The following ZSCAN23 variants were observed in gnomAD, a reference collection of about 807,000 sequenced individuals.
ZSCAN23 encodes zinc finger and SCAN domain-containing protein 23.
A neutral mutation model predicts 19.3 loss-of-function variants in ZSCAN23; 19 were observed. The ratio of observed to expected loss-of-function variants is 0.99; its 90% CI spans 0.69 to 1.45. ZSCAN23 has a LOEUF of 1.45. ZSCAN23 is among the 40% of genes most tolerant of loss of function. The pLI is 0.00. For missense variants in ZSCAN23, 372 were observed against 462.5 expected (o/e 0.80, Z 1.79); for synonymous variants, 140 against 166.2 (o/e 0.84, Z 1.21).
the ZSCAN23 span, among the ~76,000 whole-genome samples, chr6:28,426,622 C>T: frequency 6.6e-6 from 1 of 152,196 alleles, no homozygotes; most frequent in African/African-American, 2.4e-5. Flanking sequence ...GACACAGAAA[C>T]ACGAAGTGTG....
Position 28,434,468 on chromosome 6 carries a change from G to GC in ZSCAN23, c.1166dup (p.Ser389ArgfsTer8). The GC allele has an allele frequency of 6.5e-7, 1 of 1,539,604 alleles. No homozygotes were observed. Among genetic ancestry groups the GC allele is most frequent in the Non-Finnish European group, 8.8e-7 (1 of 1,139,872 alleles). On this transcript the variant is annotated frameshift_variant, in exon 4 of 4. Coordinates refer to ENST00000289788, the MANE Select transcript of ZSCAN23 (RefSeq NM_001012455.2). LOFTEE classifies it high-confidence loss of function. ...ATCCCCTACCTGTTCCAAGGAGCTA[G>GC]CTTGATTCAGCCACTGGGTGGACTT...
Position 28,434,636 on chromosome 6 carries a change from G to A in ZSCAN23, c.999C>T (p.Tyr333=). The A allele has an allele frequency of 6.4e-7, 1 of 1,561,754 alleles. No individual in the cohort carries two copies. Among genetic ancestry groups the A allele is most frequent in the Non-Finnish European group, 8.7e-7 (1 of 1,152,810 alleles). The part of the protein sequence containing the change: ...HLRIHTGEKP[Y]QCNQCNKSFS... ...AACTCTTATTGCACTGATTGCACTG[G>A]TAAGGCTTCTCCCCAGTGTGAATTC... The change falls in exon 4 of 4, where the codon TAC becomes TAT. Residue 333 remains tyrosine (Y), a synonymous_variant. Coordinates refer to ENST00000289788, the MANE Select transcript of ZSCAN23 (RefSeq NM_001012455.2).
At chr6:28,422,398 A>G in the ZSCAN23 span, among the ~76,000 whole-genome samples, 4 of 152,202 alleles carry the variant, frequency 2.6e-5, no homozygotes, top group African/African-American at 7.2e-5. This position sits in a 1 kb window ranked among gnomAD's most constrained non-coding sequence, Gnocchi z 4.0. Flanking sequence ...ACTTGAAAAG[A>G]TATCCATAAT....
intron 1 of ZSCAN23, among the ~76,000 whole-genome samples, chr6:28,442,898 G>A (rs186915024): frequency 6.6e-6 from 1 of 152,194 alleles, no homozygotes; most frequent in Non-Finnish European, 1.5e-5. Flanking sequence ...TATTTGTAAA[G>A]TGCTTAGAAC....
rs201915589 is a variant in ZSCAN23 at position 28,436,031 on chromosome 6, G to A, written c.236C>T (p.Pro79Leu). The A allele has an allele frequency of 6.2e-7, 1 of 1,614,190 alleles. No homozygotes were observed. Among genetic ancestry groups the A allele is most frequent in the Non-Finnish European group, 8.5e-7 (1 of 1,180,016 alleles). The change falls in exon 2 of 4, where the codon CCA (proline) becomes CTA (leucine). Residue 79 changes from proline (P) to leucine (L), a missense_variant. Transcript: ENST00000289788. ...GATCTGCTCCTTGGTGTGCATCTCT[G>A]GTCTCAGCCACTGATGGCAGAGCTC... ...LQELCHQWLR[P>L]EMHTKEQILE...
downstream of ZSCAN23, among the ~76,000 whole-genome samples, chr6:28,431,680 A>G (rs373493334): frequency 7.7e-6 from 1 of 129,136 alleles, no homozygotes; most frequent in Admixed American, 7.7e-5. Flanking sequence ...TGGTTTATAG[A>G]CTGCTTTTCT....
chr6:28,434,954 TC>T lies in ZSCAN23; in HGVS notation c.680del (p.Gly227GlufsTer15). The T allele has an allele frequency of 2.6e-6, 4 of 1,551,914 alleles. No individual in the cohort carries two copies. Among genetic ancestry groups the T allele is most frequent in the Non-Finnish European group, 3.5e-6 (4 of 1,147,064 alleles). On this transcript the variant is annotated frameshift_variant, in exon 4 of 4. Coordinates refer to ENST00000289788, the MANE Select transcript of ZSCAN23 (RefSeq NM_001012455.2). LOFTEE classifies it low-confidence loss of function (END_TRUNC). The part of the protein sequence containing the change: ...NGNITQIPEY[G>X]DTCDREGRLE... ...ATCTGCCCTCACGGTCACAGGTATC[TC>T]CATACTCAGGAATCTGAGTAATATT... is the stretch of plus-strand genomic sequence containing the variant.
chr6:28,440,009 G>C (rs916487351), intron 1 of ZSCAN23, among the ~76,000 whole-genome samples: 2 of 152,174 alleles, frequency 1.3e-5, no homozygotes, highest in Non-Finnish European at 2.9e-5. Flanking sequence ...GAGAGAGTAA[G>C]GGGAAAGAAA....
chr6:28,437,114 G>T (rs1214370794), intron 1 of ZSCAN23, among the ~76,000 whole-genome samples: 2 of 152,214 alleles, frequency 1.3e-5, no homozygotes. Context: ...ATGATTAAAT[G>T]AATATCCTAG....
chr6:28,426,320 T>C, the ZSCAN23 span, among the ~76,000 whole-genome samples: 59 of 152,348 alleles, frequency 3.9e-4, no homozygotes, highest in East Asian at 0.011. Flanking sequence ...TGTGAGACTC[T>C]TCCTTTCACG....
intron 1 of ZSCAN23, among the ~76,000 whole-genome samples, chr6:28,438,963 G>A (rs145809980): frequency 2.6e-5 from 4 of 152,224 alleles, no homozygotes; most frequent in Non-Finnish European, 4.4e-5. Flanking sequence ...GCATCCTTCC[G>A]GATAACCTGC....
chr6:28,421,473 C>T, the ZSCAN23 span, among the ~76,000 whole-genome samples: 1 of 151,942 alleles, frequency 6.6e-6, no homozygotes, highest in African/African-American at 2.4e-5. Flanking sequence ...TTTTGGGACC[C>T]GTAATGGATT....
downstream of ZSCAN23, among the ~76,000 whole-genome samples, chr6:28,430,142 G>A (rs566370318): frequency 6.6e-6 from 1 of 152,276 alleles, no homozygotes; most frequent in South Asian, 2.1e-4. Context: ...TGCTCGCACT[G>A]GATCCTCCGT....
chr6:28,434,668 G>T lies in ZSCAN23; in HGVS notation c.967C>A (p.His323Asn). The change falls in exon 4 of 4, where the codon CAC becomes AAC. Residue 323 changes from histidine to asparagine, a missense_variant. Physicochemically the swap from His to Asn is moderately conservative, Grantham distance 68 (BLOSUM62 1). Coordinates refer to ENST00000289788, the MANE Select transcript of ZSCAN23 (RefSeq NM_001012455.2). ...TTCTCCCCAGTGTGAATTCTGAGGT[G>T]ATGGAAAAGCCCGGCATTCTGGCTG... ...AFSQNAGLFH[H>N]LRIHTGEKPY... 6.4e-7 allele frequency: 1 copy of T among 1,572,138 alleles called. No homozygotes were observed. Among genetic ancestry groups the T allele is most frequent in the Admixed American group, 1.9e-5 (1 of 52,924 alleles).
In ZSCAN23 at chr6:28,433,239, T is replaced by A. The variant is rs1761796557; in HGVS notation, c.*1226A>T. ...TACTTGTAATTTTTATTTGGTGATA[T>A]AATGCCTCCAGTGGCTTAATAGAAT... is the stretch of plus-strand genomic sequence containing the variant. On this transcript the variant is annotated 3_prime_UTR_variant, in exon 4 of 4. Coordinates refer to ENST00000289788, the MANE Select transcript of ZSCAN23 (RefSeq NM_001012455.2). 6.6e-6 allele frequency: 1 copy of A among 152,130 alleles called. No individual in the cohort carries two copies. Among genetic ancestry groups the A allele is most frequent in the Non-Finnish European group, 1.5e-5 (1 of 67,996 alleles). 9.4% of individuals were successfully genotyped at this position (152,130 alleles called of 1,614,324 possible).
At chr6:28,440,777 T>C (rs1241386180) in intron 1 of ZSCAN23, among the ~76,000 whole-genome samples, 2 of 152,208 alleles carry the variant, frequency 1.3e-5, no homozygotes, top group Middle Eastern at 3.2e-3. Flanking sequence ...CAAATCTTTA[T>C]ACAGTTTCCC....
chr6:28,421,714 C>A, the ZSCAN23 span, among the ~76,000 whole-genome samples: 127 of 152,228 alleles, frequency 8.3e-4, no homozygotes, highest in Non-Finnish European at 1.6e-3. Flanking sequence ...GACAGCAAAA[C>A]CCATGCTGTG....
chr6:28,425,175 C>T, the ZSCAN23 span, among the ~76,000 whole-genome samples: 2 of 152,150 alleles, frequency 1.3e-5, no homozygotes, highest in Admixed American at 6.5e-5. Flanking sequence ...AGTAATATTT[C>T]GAAAGGAATC....
chr6:28,431,218 C>T (rs1761756027), downstream of ZSCAN23, among the ~76,000 whole-genome samples: 3 of 152,212 alleles, frequency 2.0e-5, 1 homozygote. Flanking sequence ...AAGTCTCCAA[C>T]AGCCTTTTTC....
Sources: gnomAD v4.1 joint callset for allele counts (sites outside exome capture counted in the v4.1 genomes callset) on GRCh38, gnomAD v4.1.1 for gene constraint, Gnocchi (gnomAD v3.1) non-coding constraint, MANE v1.5 for transcripts, NCBI Gene and HGNC (gene_info 2026-07-23, HGNC 2026-07-21) for gene names.